The following MTMR10 variants were observed in gnomAD, a reference collection of about 807,000 sequenced individuals.
The protein encoded by MTMR10 is myotubularin-related protein 10.
MTMR10 carries 56 observed loss-of-function variants against 88.1 expected under a neutral mutation model. The ratio of observed to expected loss-of-function variants is 0.64; its 90% CI spans 0.51 to 0.79. The LOEUF (loss-of-function observed/expected upper bound fraction) is 0.79, where lower values mean the gene tolerates loss of function less well. MTMR10 is among the 30% of genes least tolerant of loss of function. The pLI is 0.00. For synonymous variants in MTMR10, 380 were observed against 340.9 expected (o/e 1.11, Z -1.26); for missense variants, 883 against 924.7 (o/e 0.95, Z 0.58).
At chr15:30,982,001 C>A (rs2030609651) in intron 2 of MTMR10, among the ~76,000 whole-genome samples, 2 of 151,088 alleles carry the variant, frequency 1.3e-5, no homozygotes, top group African/African-American at 4.9e-5. Context: ...AACTCGGGAG[C>A]TGGAGGTTGC....
downstream of MTMR10, among the ~76,000 whole-genome samples, chr15:30,936,641 C>T (rs1264776159): frequency 7.9e-6 from 1 of 126,110 alleles, no homozygotes; most frequent in East Asian, 2.9e-4. Context: ...AAATCCTACA[C>T]ATCAACTGAA....
intron 5 of MTMR10, among the ~76,000 whole-genome samples, chr15:30,972,089 T>C (rs1266566030): frequency 2.0e-5 from 3 of 152,094 alleles, no homozygotes; most frequent in Non-Finnish European, 4.4e-5. Flanking sequence ...ACCAGAGAAC[T>C]CCAAACATGC....
intron 2 of MTMR10, among the ~76,000 whole-genome samples, chr15:30,989,388 A>T (rs2031159518): frequency 6.6e-6 from 1 of 152,194 alleles, no homozygotes; most frequent in Admixed American, 6.5e-5. Context: ...TTTAAAAAAC[A>T]CTTTTTAAAC....
chr15:30,974,377 A>C lies in MTMR10; in HGVS notation c.411T>G (p.Tyr137Ter). ...LKFNPTELII[Y>*]CKDFRIVRFR... ...ATCTGACAATTCTGAAATCTTTACA[A>C]TAAATAATTAACTCTGTTGGATTAA... The change falls in exon 5 of 16, where the codon TAT becomes TAG. Residue 137 changes from tyrosine to a stop codon, truncating the protein, a stop_gained. Transcript: ENST00000435680. LOFTEE classifies it high-confidence loss of function. 1 of 1,609,062 alleles carries C rather than the reference A, an allele frequency of 6.2e-7. No homozygotes were observed. Among genetic ancestry groups the C allele is most frequent in the Non-Finnish European group, 8.5e-7 (1 of 1,176,872 alleles).
chr15:30,963,913 T>C (rs2063440673), intron 6 of MTMR10, among the ~76,000 whole-genome samples: 1 of 152,144 alleles, frequency 6.6e-6, no homozygotes. Flanking sequence ...AAAATCTAAG[T>C]AATTCATCAT....
At chr15:30,952,314 G>A (rs1300030007) in intron 11 of MTMR10, among the ~76,000 whole-genome samples, 1 of 152,188 alleles carries the variant, frequency 6.6e-6, no homozygotes, top group Non-Finnish European at 1.5e-5. Context: ...TCGCATTACC[G>A]TAAAGTTTCT....
intron 11 of MTMR10, among the ~76,000 whole-genome samples, chr15:30,952,651 G>A (rs955382681): frequency 6.6e-6 from 1 of 151,938 alleles, no homozygotes; most frequent in African/African-American, 2.4e-5. Flanking sequence ...ATGCCACCAT[G>A]CCTGGCTAGT....
At chr15:30,945,408 G>A (rs967836598) in intron 14 of MTMR10, among the ~76,000 whole-genome samples, 2 of 152,090 alleles carry the variant, frequency 1.3e-5, no homozygotes, top group Admixed American at 6.5e-5. Flanking sequence ...AAGTCTGTCC[G>A]CACACACAGC....
intron 6 of MTMR10, among the ~76,000 whole-genome samples, chr15:30,967,558 A>G (rs1401890887): frequency 6.6e-6 from 1 of 152,184 alleles, no homozygotes; most frequent in East Asian, 1.9e-4. Flanking sequence ...TATGCTTTTA[A>G]TATATCTTTT....
chr15:30,925,940 G>T, the MTMR10 span: 1 of 1,614,062 alleles, frequency 6.2e-7, no homozygotes, highest in East Asian at 2.2e-5. Flanking sequence ...TTTGACCAGG[G>T]TAACTGAGCA....
intron 12 of MTMR10, among the ~76,000 whole-genome samples, chr15:30,951,270 C>G (rs1470794216): frequency 6.6e-6 from 1 of 152,186 alleles, no homozygotes; most frequent in African/African-American, 2.4e-5. Flanking sequence ...TCATCTCAAA[C>G]TGCTTCCTTA....
At chr15:30,984,652 C>T (rs1221925818) in intron 2 of MTMR10, among the ~76,000 whole-genome samples, 5 of 152,152 alleles carry the variant, frequency 3.3e-5, no homozygotes, top group Non-Finnish European at 7.4e-5. Flanking sequence ...ATTTTCATTT[C>T]CCAGATGGCC....
chr15:30,988,635 C>T (rs1191798062), intron 2 of MTMR10, among the ~76,000 whole-genome samples: 6 of 152,172 alleles, frequency 3.9e-5, no homozygotes, highest in African/African-American at 1.4e-4. Flanking sequence ...GAAAGTTCTT[C>T]AAGTTTATGC....
the MTMR10 span, among the ~76,000 whole-genome samples, chr15:30,919,835 G>C: frequency 6.6e-6 from 1 of 151,974 alleles, no homozygotes; most frequent in Non-Finnish European, 1.5e-5. Context: ...GGAGGGCTTG[G>C]TCTTGCTGTC....
chr15:30,930,329 C>T, the MTMR10 span, among the ~76,000 whole-genome samples: 6 of 152,110 alleles, frequency 3.9e-5, no homozygotes, highest in Non-Finnish European at 8.8e-5. Context: ...GGAAACTGAC[C>T]ACAGGAGGAC....
intron 6 of MTMR10, chr15:30,965,758 T>C (rs1382190448): frequency 3.5e-6 from 1 of 286,666 alleles, no homozygotes; most frequent in Non-Finnish European, 7.0e-6. Context: ...CATGTGATAC[T>C]GAATATGAAT....
At chr15:30,947,569 G>A (rs1361668576) in intron 13 of MTMR10, among the ~76,000 whole-genome samples, 3 of 152,164 alleles carry the variant, frequency 2.0e-5, no homozygotes, top group Admixed American at 2.0e-4. Flanking sequence ...ACTATATGAA[G>A]GGGGAAGAGC....
chr15:30,934,803 A>G (rs1315525388), downstream of MTMR10, among the ~76,000 whole-genome samples: 1 of 152,228 alleles, frequency 6.6e-6, no homozygotes, highest in Non-Finnish European at 1.5e-5. Context: ...CAGGTGATAC[A>G]CACTTTAGAG....
At position 30,940,185 on chromosome 15, in the gene MTMR10, G is replaced by A; in HGVS notation, c.*1285C>T. 1 of 985,152 alleles carries A rather than the reference G, an allele frequency of 1.0e-6. No homozygotes were observed. The highest frequency in any genetic ancestry group is 1.2e-6 in the Non-Finnish European group (1 of 829,874). 61.0% of individuals were successfully genotyped at this position (985,152 alleles called of 1,614,324 possible). A position where few individuals can be genotyped will look rare whatever the true frequency, so the allele number is the denominator to read the frequency against. On this transcript the variant is annotated 3_prime_UTR_variant, in exon 16 of 16. Coordinates refer to ENST00000435680, the MANE Select transcript of MTMR10 (RefSeq NM_017762.3). Reference sequence around the variant, plus strand: ...GTTTTAAGCGGGGAATGAGGAGTGTGGGGGAGGTGGTGCCCCGTTTCACTG... The same window carrying A: ...GTTTTAAGCGGGGAATGAGGAGTGTAGGGGAGGTGGTGCCCCGTTTCACTG...
Sources: allele counts gnomAD v4.1 joint callset (sites outside exome capture counted in the v4.1 genomes callset), GRCh38; gene constraint gnomAD v4.1.1; transcripts MANE v1.5; gene names NCBI Gene and HGNC (gene_info 2026-07-23, HGNC 2026-07-21).